The following MATN1 variants were observed in gnomAD, a reference collection of about 807,000 sequenced individuals.
The protein encoded by MATN1 is matrilin 1.
MATN1 carries 34 observed loss-of-function variants against 41.3 expected under a neutral mutation model. That is an observed-to-expected ratio of 0.82 (90% CI 0.63 to 1.10). The LOEUF (loss-of-function observed/expected upper bound fraction) is 1.10. MATN1 is among the 50% of genes least tolerant of loss of function. The pLI is 0.00. For synonymous variants in MATN1, 264 were observed against 278.7 expected (o/e 0.95, Z 0.53); for missense variants, 602 against 662.4 (o/e 0.91, Z 1.00).
In MATN1 at chr1:30,718,750, G is replaced by A. The variant is rs1435566831; in HGVS notation, c.649C>T (p.Gln217Ter). Residue 217 changes from glutamine (Q) to a stop codon, truncating the protein, a stop_gained, in exon 3 of 8, where the codon CAG (glutamine) becomes TAG (stop). Transcript: ENST00000373765. LOFTEE classifies it high-confidence loss of function. ...GCCCGCGCACCGCAGAAGGCCTCCTGGAACTTCCTGGACAGCTTCTCGATG... is the reference window on the plus strand; with the variant it reads ...GCCCGCGCACCGCAGAAGGCCTCCTAGAACTTCCTGGACAGCTTCTCGATG... The part of the protein sequence containing the change: ...SVIEKLSRKF[Q>*]EAFCVVSDLC... The A allele has an allele frequency of 6.3e-7, 1 of 1,587,174 alleles. No individual in the cohort carries two copies.
chr1:30,717,641 G>GTTT lies in MATN1; in HGVS notation c.665-727_665-726insAAA, dbSNP rs1557450696. ...GGGCTCTGTTGTTTTTTGTGTGTGC[G>GTTT]GTTTTTTTTTTTGTTTTGTTTTTTT... On this transcript the variant is annotated intron_variant, in intron 3 of 7. Coordinates refer to ENST00000373765, the MANE Select transcript of MATN1 (RefSeq NM_002379.3). 4.2e-4 allele frequency among the ~76,000 whole-genome samples: 58 copies of GTTT among 136,828 alleles called. 2 individuals are homozygous for GTTT. Among genetic ancestry groups the GTTT allele is most frequent in the African/African-American group, 1.6e-3 (55 of 33,920 alleles). The allele number at this position is 136,828 out of a possible 152,430, so 89.8% of individuals were successfully genotyped here.
intron 7 of MATN1, chr1:30,714,025 C>T (rs115721289): frequency 5.8e-4 from 344 of 594,792 alleles, no homozygotes; most frequent in Non-Finnish European, 8.9e-4. Context: ...GTCCCTAGAT[C>T]CTGGCTTCTG....
Position 30,721,454 on chromosome 1 carries a change from G to A in MATN1, c.392C>T (p.Ala131Val). 1 of 1,613,588 alleles carries A rather than the reference G, an allele frequency of 6.2e-7. No individual in the cohort carries two copies. Among genetic ancestry groups the A allele is most frequent in the South Asian group, 1.1e-5 (1 of 91,084 alleles). Residue 131 changes from alanine to valine, a missense_variant, in exon 2 of 8, where the codon GCC becomes GTC. Transcript: ENST00000373765. The stretch of plus-strand genomic sequence containing the variant: ...ACGACCACCCTCTGCATCGCCGAAG[G>A]CTTTGGTGATAGCGAACTGGATGGC... ...GLAIQFAITK[A>V]FGDAEGGRSR... is the part of the protein sequence containing the mutation.
chr1:30,714,942 C>T lies in MATN1; in HGVS notation c.1360+215G>A, dbSNP rs140253359. ...AAATAGGATCGGATGATGTAATATC[C>T]GGAGAGCACTGAGAACACTGCCAGC... On this transcript the variant is annotated intron_variant, in intron 6 of 7. Transcript: ENST00000373765. 4.7e-3 allele frequency among the ~76,000 whole-genome samples: 710 copies of T among 152,296 alleles called. 3 individuals are homozygous for T. The highest frequency in any genetic ancestry group is 7.5e-3 in the Non-Finnish European group (508 of 68,026).
At chr1:30,718,595 C>CA (rs1557451278) in intron 3 of MATN1, 140 bp downstream of exon 3, 1 of 217,940 alleles carries the variant, frequency 4.6e-6, no homozygotes, top group Admixed American at 6.8e-5. Flanking sequence ...CTCTGCCCCC[C>CA]CCCCGGCCCC....
chr1:30,721,521 G>A lies in MATN1; in HGVS notation c.325C>T (p.Arg109Cys), dbSNP rs145698521. The change falls in exon 2 of 8, where the codon CGC becomes TGC. Residue 109 changes from arginine to cysteine, a missense_variant. Physicochemically the swap from Arg to Cys is radical, Grantham distance 180. Coordinates refer to ENST00000373765, the MANE Select transcript of MATN1 (RefSeq NM_002379.3). ...VSKAALLQAV[R>C]RIQPLSTGTM... ...CCTGTGGACAGCGGCTGGATACGGCGCACAGCCTGCAGCAGTGCGGCCTTG... is the reference window on the plus strand; with the variant it reads ...CCTGTGGACAGCGGCTGGATACGGCACACAGCCTGCAGCAGTGCGGCCTTG... 2.5e-5 allele frequency: 40 copies of A among 1,613,098 alleles called. No homozygotes were observed. The highest frequency in any genetic ancestry group is 1.8e-4 in the South Asian group (16 of 91,082).
rs1639691966 is a variant in MATN1 at position 30,721,386 on chromosome 1, C to T, written c.441+19G>A. On this transcript the variant is annotated intron_variant, in intron 2 of 7. Transcript: ENST00000373765. ...GAGCCTCCAAACAGCAGCATCCTAG[C>T]AGGGTGGCGTGCACGTACCTTGCTG... 1 of 1,589,704 alleles carries T rather than the reference C, an allele frequency of 6.3e-7. No homozygotes were observed. The highest frequency in any genetic ancestry group is 1.3e-5 in the African/African-American group (1 of 74,694).
chr1:30,714,378 C>A, intron 6 of MATN1, 51 bp from the exon 7 acceptor site: 4 of 1,471,960 alleles, frequency 2.7e-6, no homozygotes, highest in Non-Finnish European at 1.9e-6. Context: ...GAGTGGCTGC[C>A]CAGGAGGAGG....
rs1467498312 is a variant in MATN1, at chr1:30,711,850, A to G, written c.*1732T>C. On this transcript the variant is annotated 3_prime_UTR_variant, in exon 8 of 8. Transcript: ENST00000373765. ...GAAGAAAGGAAGAATGAGCAGAGTC[A>G]TAACTTCTCAGGTGGCTGTGTCAAG... 1 of 152,298 alleles carries G rather than the reference A, an allele frequency of 6.6e-6. No homozygotes were observed. 9.4% of individuals were successfully genotyped at this position (152,298 alleles called of 1,614,324 possible). A position where few individuals can be genotyped will look rare whatever the true frequency, so the allele number is the denominator to read the frequency against.
At chr1:30,716,476 T>C (rs1639619826) in intron 4 of MATN1, 151 bp from the exon 5 acceptor site, 1 of 816,910 alleles carries the variant, frequency 1.2e-6, no homozygotes, top group Non-Finnish European at 1.9e-6. Context: ...AGGTGACTGG[T>C]CCCACTGTAC....
At position 30,713,463 on chromosome 1, in the gene MATN1, A is replaced by C. The variant is rs950635753; in HGVS notation, c.*119T>G. On this transcript the variant is annotated 3_prime_UTR_variant, in exon 8 of 8. Coordinates refer to ENST00000373765, the MANE Select transcript of MATN1 (RefSeq NM_002379.3). ...CTCCCAAACGCCATTACACGCTCTC[A>C]ATAGGCACACCCAGACACACCCCCT... The C allele has an allele frequency of 1.9e-4, 180 of 946,138 alleles. 1 individual carries two copies. Among genetic ancestry groups the C allele is most frequent in the Middle Eastern group, 6.7e-4 (3 of 4,456 alleles). The allele number at this position is 946,138 out of a possible 1,614,324, so 58.6% of individuals were successfully genotyped here. A position where few individuals can be genotyped will look rare whatever the true frequency, so the allele number is the denominator to read the frequency against.
rs772200083 is a variant in MATN1 at position 30,716,890 on chromosome 1, C to T, written c.690G>A (p.Gly230=). The change falls in exon 4 of 8, where the codon GGG becomes GGA. Residue 230 remains glycine (G), a synonymous_variant. Coordinates refer to ENST00000373765, the MANE Select transcript of MATN1 (RefSeq NM_002379.3). ...FCVVSDLCAT[G]DHDCEQVCIS... ...TGCACACCTGCTCACAGTCATGGTC[C>T]CCTGTGGCGCACAGGTCTGACACCA... 1.2e-6 allele frequency: 2 copies of T among 1,613,624 alleles called. No homozygotes were observed. The highest frequency in any genetic ancestry group is 1.7e-6 in the Non-Finnish European group (2 of 1,179,836).
chr1:30,715,374 C>T (rs1569827248), intron 5 of MATN1, 65 bp from the exon 6 acceptor site: 1 of 1,564,224 alleles, frequency 6.4e-7, no homozygotes, highest in Non-Finnish European at 8.7e-7. Flanking sequence ...GCTGAGCCTC[C>T]TGGGGAAGGC....
intron 6 of MATN1, 121 bp from the exon 7 acceptor site, chr1:30,714,448 G>A: frequency 1.3e-6 from 1 of 749,734 alleles, no homozygotes; most frequent in Non-Finnish European, 2.3e-6. Context: ...GGGGCTTAAG[G>A]GACCTGAGGA....
intron 7 of MATN1, chr1:30,713,906 C>T (rs1274043095): frequency 1.7e-6 from 1 of 586,260 alleles, no homozygotes; most frequent in Non-Finnish European, 3.0e-6. Flanking sequence ...GGCCCAGCCC[C>T]ACCTCTGAGT....
intron 2 of MATN1, chr1:30,719,343 G>C: frequency 4.4e-6 from 1 of 227,596 alleles, no homozygotes; most frequent in Non-Finnish European, 8.6e-6. Context: ...CCCGGCCGGG[G>C]CTGGGTGGGG....
At position 30,718,724 on chromosome 1, in the gene MATN1, T is replaced by C; in HGVS notation, c.664+11A>G. 1 of 1,520,942 alleles carries C rather than the reference T, an allele frequency of 6.6e-7. No individual in the cohort carries two copies. The highest frequency in any genetic ancestry group is 8.9e-7 in the Non-Finnish European group (1 of 1,122,222). The allele number at this position is 1,520,942 out of a possible 1,614,324, so 94.2% of individuals were successfully genotyped here. ...CCCCTGCCCTGGCTCCGCCCCCGCCTGCCCGCGCACCGCAGAAGGCCTCCT... is the reference window on the plus strand; with the variant it reads ...CCCCTGCCCTGGCTCCGCCCCCGCCCGCCCGCGCACCGCAGAAGGCCTCCT... On this transcript the variant is annotated intron_variant, in intron 3 of 7. Transcript: ENST00000373765.
chr1:30,715,747 T>C (rs1000258559), intron 5 of MATN1, among the ~76,000 whole-genome samples, 162 bp downstream of exon 5: 16 of 152,162 alleles, frequency 1.1e-4, no homozygotes, highest in African/African-American at 3.4e-4. Flanking sequence ...CTCAATTTTG[T>C]CATTGGTATA....
intron 2 of MATN1, 32 bp downstream of exon 2, chr1:30,721,373 A>G: frequency 6.4e-7 from 1 of 1,573,156 alleles, no homozygotes; most frequent in South Asian, 1.1e-5. Flanking sequence ...GCCTCCAAAC[A>G]GCAGCATCCT....
Sources: gnomAD v4.1 joint callset for allele counts (sites outside exome capture counted in the v4.1 genomes callset) on GRCh38, gnomAD v4.1.1 for gene constraint, MANE v1.5 for transcripts, NCBI Gene and HGNC (gene_info 2026-07-23, HGNC 2026-07-21) for gene names.